The following LRMDA variants were observed in gnomAD, a reference collection of about 807,000 sequenced individuals.
LRMDA encodes leucine rich melanocyte differentiation associated.
A neutral mutation model predicts 29.8 loss-of-function variants in LRMDA; 18 were observed. The ratio of observed to expected loss-of-function variants is 0.60; its 90% confidence interval spans 0.42 to 0.90. The LOEUF (loss-of-function observed/expected upper bound fraction) is 0.90, where lower values mean the gene tolerates loss of function less well. Among genes scored for constraint, LRMDA ranks in the 40% least tolerant of loss-of-function variants. The pLI is 0.00. For missense variants in LRMDA, 273 were observed against 273.9 expected (o/e 1.00, Z 0.02); for synonymous variants, 125 against 109.4 (o/e 1.14, Z -0.89).
intron 2 of LRMDA, among the ~76,000 whole-genome samples, chr10:75,475,968 C>T (rs557477504): frequency 2.6e-4 from 39 of 152,270 alleles, no homozygotes; most frequent in African/African-American, 6.0e-4. Context: ...TTCTAAGAGC[C>T]GCCCTCCCTT....
chr10:76,324,492 A>G lies in LRMDA; in HGVS notation c.601+7A>G, dbSNP rs750361989. On this transcript the variant is annotated splice_region_variant and intron_variant, in intron 6 of 6. Transcript: ENST00000611255. ...GAACTCACCAGTCACCAAGGTTGGA[A>G]CTCAGCTTTTTATTGCTCTCAGTGG... The G allele has an allele frequency of 1.9e-6, 3 of 1,612,550 alleles. No homozygotes were observed. Among genetic ancestry groups the G allele is most frequent in the Non-Finnish European group, 1.7e-6 (2 of 1,179,488 alleles).
intron 2 of LRMDA, among the ~76,000 whole-genome samples, chr10:75,448,182 A>G (rs1244512550): frequency 1.3e-5 from 2 of 152,182 alleles, no homozygotes; most frequent in Admixed American, 1.3e-4. Flanking sequence ...GCTTTCATAA[A>G]CATTGTCTCC....
At chr10:76,056,277 G>A (rs1294973793) in intron 4 of LRMDA, among the ~76,000 whole-genome samples, 1 of 152,186 alleles carries the variant, frequency 6.6e-6, no homozygotes, top group Non-Finnish European at 1.5e-5. Flanking sequence ...AGGAAAGGAA[G>A]TGCATGCTGA....
intron 2 of LRMDA, among the ~76,000 whole-genome samples, chr10:75,518,334 G>T (rs1420642907): frequency 6.6e-6 from 1 of 152,116 alleles, no homozygotes; most frequent in Non-Finnish European, 1.5e-5. Context: ...TCTGGTCCTG[G>T]ACTTTTTTTG....
intron 2 of LRMDA, among the ~76,000 whole-genome samples, chr10:75,496,786 T>C (rs1234697433): frequency 6.6e-6 from 1 of 152,186 alleles, no homozygotes; most frequent in Non-Finnish European, 1.5e-5. Context: ...CTGAGAATCT[T>C]AACAGAGCTA....
At chr10:75,954,833 TG>T (rs993173846) in intron 2 of LRMDA, among the ~76,000 whole-genome samples, 3 of 152,238 alleles carry the variant, frequency 2.0e-5, no homozygotes, top group African/African-American at 7.2e-5. Context: ...CGATAAACTC[TG>T]AGTTGAAAAT....
At chr10:76,161,034 T>C (rs1307470950) in intron 5 of LRMDA, among the ~76,000 whole-genome samples, 3 of 151,690 alleles carry the variant, frequency 2.0e-5, no homozygotes, top group African/African-American at 7.3e-5. Context: ...CGAGAAACGG[T>C]TGCGATAAGA....
chr10:76,206,721 G>T (rs1484527749), intron 5 of LRMDA, among the ~76,000 whole-genome samples: 3 of 152,188 alleles, frequency 2.0e-5, no homozygotes. Context: ...GAGCAAAATT[G>T]TCAAGGGAGA....
At chr10:75,988,473 G>A (rs1480512358) in intron 2 of LRMDA, among the ~76,000 whole-genome samples, 3 of 151,542 alleles carry the variant, frequency 2.0e-5, no homozygotes, top group Admixed American at 6.6e-5. Context: ...ATGCACACAT[G>A]CCTCTCTAGG....
rs1406446903 is a variant in LRMDA, at chr10:76,557,825, C to G, written c.*537C>G. ...CGTCCTGTATTCTGCATATACATAG[C>G]TCCCGTCTCTTCCCCTCCACCTTCC... On this transcript the variant is annotated 3_prime_UTR_variant, in exon 7 of 7. Coordinates refer to ENST00000611255, the MANE Select transcript of LRMDA (RefSeq NM_001305581.2). 1 of 152,620 alleles carries G rather than the reference C, an allele frequency of 6.6e-6. No homozygotes were observed. The highest frequency in any genetic ancestry group is 1.5e-5 in the Non-Finnish European group (1 of 68,400). The allele number at this position is 152,620 out of a possible 1,614,324, so 9.5% of individuals were successfully genotyped here. A position where few individuals can be genotyped will look rare whatever the true frequency, so the allele number is the denominator to read the frequency against.
chr10:76,225,131 G>A (rs112744168), intron 5 of LRMDA, among the ~76,000 whole-genome samples: 15 of 152,180 alleles, frequency 9.9e-5, no homozygotes, highest in African/African-American at 2.4e-4. Flanking sequence ...CCCAGGCCGG[G>A]CACAGTGGAT....
At chr10:76,292,241 C>T (rs1840350707) in intron 5 of LRMDA, among the ~76,000 whole-genome samples, 2 of 152,164 alleles carry the variant, frequency 1.3e-5, no homozygotes, top group Admixed American at 1.3e-4. Flanking sequence ...TGCAACATCC[C>T]ACTTAATTTC....
intron 2 of LRMDA, among the ~76,000 whole-genome samples, chr10:75,512,592 G>A (rs757808417): frequency 1.3e-5 from 2 of 152,184 alleles, no homozygotes; most frequent in African/African-American, 2.4e-5. Flanking sequence ...GGAGGGCTGC[G>A]AGTGAGTCGT....
chr10:76,344,624 T>C (rs2132423646), intron 6 of LRMDA, among the ~76,000 whole-genome samples: 1 of 152,264 alleles, frequency 6.6e-6, no homozygotes, highest in South Asian at 2.1e-4. Context: ...AAATCAGCCC[T>C]ATTGGATATC....
intron 3 of LRMDA, among the ~76,000 whole-genome samples, chr10:76,040,168 T>C (rs1172515399): frequency 6.6e-6 from 1 of 152,088 alleles, no homozygotes; most frequent in East Asian, 1.9e-4. Flanking sequence ...GGAGCGGCAA[T>C]CATTGTACAA....
intron 2 of LRMDA, among the ~76,000 whole-genome samples, chr10:75,561,915 T>G (rs1458282133): frequency 6.6e-6 from 1 of 152,162 alleles, no homozygotes; most frequent in Non-Finnish European, 1.5e-5. Context: ...ATAATTTCTG[T>G]TCTTTTACAT....
chr10:76,026,756 T>A (rs1309784785), intron 2 of LRMDA, among the ~76,000 whole-genome samples: 1 of 152,208 alleles, frequency 6.6e-6, no homozygotes, highest in Non-Finnish European at 1.5e-5. Flanking sequence ...ACAGCCCTTA[T>A]AAACTATAGT....
At chr10:75,954,675 G>C (rs2132423068) in intron 2 of LRMDA, among the ~76,000 whole-genome samples, 1 of 152,304 alleles carries the variant, frequency 6.6e-6, no homozygotes, top group African/African-American at 2.4e-5. Context: ...TCTAAGTCTA[G>C]TTATTGTCTG....
At chr10:76,018,536 G>T (rs1246146240) in intron 2 of LRMDA, among the ~76,000 whole-genome samples, 1 of 150,414 alleles carries the variant, frequency 6.6e-6, no homozygotes, top group Non-Finnish European at 1.5e-5. Context: ...TAAGGGAATT[G>T]TACAAGGCAT....
Sources: gnomAD v4.1 joint callset for allele counts (sites outside exome capture counted in the v4.1 genomes callset) on GRCh38, gnomAD v4.1.1 for gene constraint, MANE v1.5 for transcripts, NCBI Gene and HGNC (gene_info 2026-07-23, HGNC 2026-07-21) for gene names.